The following FAM53C variants were observed in gnomAD, a reference collection of about 807,000 sequenced individuals.
The protein encoded by FAM53C is family with sequence similarity 53 member C.
FAM53C carries 10 observed loss-of-function variants against 34.7 expected under a neutral mutation model. The observed-to-expected ratio is 0.29, with a 90% confidence interval of 0.18 to 0.49. The LOEUF is 0.49. Ranked by LOEUF, FAM53C falls within the 20% of genes least tolerant of loss-of-function variation. The pLI is 0.99. For synonymous variants in FAM53C, 203 were observed against 203.6 expected (o/e 1.00, Z 0.03); for missense variants, 442 against 515.3 (o/e 0.86, Z 1.38).
chr5:138,345,102 C>T lies in FAM53C; in HGVS notation c.414C>T (p.Pro138=), dbSNP rs756935191. The change falls in exon 4 of 5, where the codon CCC becomes CCT. Residue 138 remains proline, a synonymous_variant. Coordinates refer to ENST00000239906, the MANE Select transcript of FAM53C (RefSeq NM_016605.3). This position sits in a 1 kb window ranked among gnomAD's most constrained non-coding sequence, Gnocchi z 6.3. ...GGCAGCCGGTGTGGCGGCCCGCCCC[C>T]TCCAAGCTGTGGACTCCCATAAAGC... is the stretch of plus-strand genomic sequence containing the variant. ...SRWQPVWRPA[P]SKLWTPIKHR... is the part of the protein sequence containing the mutation. 2.3e-5 allele frequency: 37 copies of T among 1,614,010 alleles called. 1 individual carries two copies. In the South Asian group the frequency reaches 4.0e-4, roughly 17 times the overall value.
Position 138,347,649 on chromosome 5 carries a change from C to G in FAM53C, c.*690C>G, listed in dbSNP as rs1761218887. The G allele has an allele frequency of 6.6e-6, 1 of 152,276 alleles. No individual in the cohort carries two copies. Among genetic ancestry groups the G allele is most frequent in the South Asian group, 2.1e-4 (1 of 4,814 alleles). The allele number at this position is 152,276 out of a possible 1,614,324, so 9.4% of individuals were successfully genotyped here. On this transcript the variant is annotated 3_prime_UTR_variant, in exon 5 of 5. Transcript: ENST00000239906. Reference sequence around the variant, plus strand: ...GGTGTTTTAAGTGCTGTGACTTCAGCTAATGATCTTTTCTTCAGCCCCACC... The same window carrying G: ...GGTGTTTTAAGTGCTGTGACTTCAGGTAATGATCTTTTCTTCAGCCCCACC...
In FAM53C at chr5:138,348,021, C is replaced by T. The variant is rs1761229594; in HGVS notation, c.*1062C>T. ...GCAGACATGGGTGAGCTCACCCCAG[C>T]ACTGCTGTTGGGAAGGTGACTGCAG... On this transcript the variant is annotated 3_prime_UTR_variant, in exon 5 of 5. Coordinates refer to ENST00000239906, the MANE Select transcript of FAM53C (RefSeq NM_016605.3). The T allele has an allele frequency of 6.5e-6, 1 of 152,696 alleles. No homozygotes were observed. Among genetic ancestry groups the T allele is most frequent in the African/African-American group, 2.4e-5 (1 of 41,446 alleles). 9.5% of individuals were successfully genotyped at this position (152,696 alleles called of 1,614,324 possible). A position where few individuals can be genotyped will look rare whatever the true frequency, so the allele number is the denominator to read the frequency against.
At chr5:138,346,566 G>A in intron 4 of FAM53C, 136 bp from the exon 5 acceptor site, 1 of 1,097,324 alleles carries the variant, frequency 9.1e-7, no homozygotes, top group Non-Finnish European at 1.3e-6. Context: ...AGAGCTTGCA[G>A]TGAGCCAAGA....
At chr5:138,338,230 G>A, upstream of FAM53C, 3 of 1,232,614 alleles carry the variant, frequency 2.4e-6, no homozygotes, top group Non-Finnish European at 3.2e-6. Context: ...TCGCGCCAGC[G>A]CCTTTTAAGG....
chr5:138,338,241 G>C (rs1042417659), upstream of FAM53C: 1 of 1,174,074 alleles, frequency 8.5e-7, no homozygotes, highest in Non-Finnish European at 1.1e-6. Flanking sequence ...CCTTTTAAGG[G>C]CACCGTGGGG....
Position 138,345,964 on chromosome 5 carries a change from A to C in FAM53C, c.921+355A>C, listed in dbSNP as rs951441562. On this transcript the variant is annotated intron_variant, in intron 4 of 4. Transcript: ENST00000239906. This position sits in a 1 kb window ranked among gnomAD's most constrained non-coding sequence, Gnocchi z 6.3. ...CCATCAGTACCTACTCCTTGTGCCC[A>C]AAGCTGTTTTTGCCACTTGCCTGTC... Among the ~76,000 whole-genome samples, 2 of 152,336 alleles carry C rather than the reference A, an allele frequency of 1.3e-5. No individual in the cohort carries two copies. Among genetic ancestry groups the C allele is most frequent in the African/African-American group, 2.4e-5 (1 of 41,598 alleles).
At position 138,345,442 on chromosome 5, in the gene FAM53C, C is replaced by G; in HGVS notation, c.754C>G (p.Pro252Ala). The part of the protein sequence containing the change: ...SRFLPSARSS[P>A]ASSPELPWRP... ...CTTCTTGCCCTCTGCCCGGAGCTCT[C>G]CCGCATCCTCCCCAGAGCTGCCCTG... Residue 252 changes from proline (P) to alanine (A), a missense_variant, in exon 4 of 5, where the codon CCC becomes GCC. Transcript: ENST00000239906. The surrounding 1 kb of genome is among the most constrained non-coding windows in gnomAD (Gnocchi z 6.3). The G allele has an allele frequency of 6.2e-7, 1 of 1,614,020 alleles. No individual in the cohort carries two copies. The highest frequency in any genetic ancestry group is 8.5e-7 in the Non-Finnish European group (1 of 1,180,050).
In FAM53C at chr5:138,346,720, C is replaced by A. The variant is rs1321725592; in HGVS notation, c.940C>A (p.Leu314Ile). The A allele has an allele frequency of 1.9e-6, 3 of 1,614,074 alleles. No homozygotes were observed. The African/African-American group carries it at 4.0e-5, about 22-fold the overall frequency. Residue 314 changes from leucine to isoleucine, a missense_variant, in exon 5 of 5, where the codon CTT becomes ATT. Leu to Ile is a conservative substitution (Grantham distance 5, BLOSUM62 2). Transcript: ENST00000239906. ...TTGACAGAAACCATACTCAGGAGGT[C>A]TTTGTCTCCAAGAAACAGCCCGGGA... ...KMNQKPYSGG[L>I]CLQETAREGS...
chr5:138,345,139 G>A lies in FAM53C; in HGVS notation c.451G>A (p.Gly151Ser). Residue 151 changes from glycine to serine, a missense_variant, in exon 4 of 5, where the codon GGT becomes AGT. Gly to Ser is a moderately conservative substitution (Grantham distance 56, BLOSUM62 0). Transcript: ENST00000239906. The surrounding 1 kb of genome is among the most constrained non-coding windows in gnomAD (Gnocchi z 6.3). ...GACTCCCATAAAGCACCGGGGCAGT[G>A]GTGGAGGGGGTGGGCCGCAGGTGCC... ...LWTPIKHRGS[G>S]GGGGPQVPHQ... 1.2e-6 allele frequency: 2 copies of A among 1,614,176 alleles called. No homozygotes were observed. The highest frequency in any genetic ancestry group is 1.7e-6 in the Non-Finnish European group (2 of 1,180,022).
At chr5:138,338,094 T>C, upstream of FAM53C, 1 of 1,289,650 alleles carries the variant, frequency 7.8e-7, no homozygotes, top group Non-Finnish European at 1.0e-6. Context: ...CCAGGCTCGT[T>C]CCCAACAGCG....
At position 138,347,284 on chromosome 5, in the gene FAM53C, T is replaced by G; in HGVS notation, c.*325T>G. On this transcript the variant is annotated 3_prime_UTR_variant, in exon 5 of 5. Coordinates refer to ENST00000239906, the MANE Select transcript of FAM53C (RefSeq NM_016605.3). ...CCGACCCCAGCTCGGGGAATTTCAC[T>G]AGCCCCTTTGCTTCAAAGGGCACTT... is the stretch of plus-strand genomic sequence containing the variant. 2 of 363,232 alleles carry G rather than the reference T, an allele frequency of 5.5e-6. No individual in the cohort carries two copies. The highest frequency in any genetic ancestry group is 1.0e-5 in the Non-Finnish European group (2 of 195,590). The allele number at this position is 363,232 out of a possible 1,614,324, so 22.5% of individuals were successfully genotyped here.
At position 138,341,372 on chromosome 5, in the gene FAM53C, A is replaced by G. The variant is rs764819075; in HGVS notation, c.37A>G (p.Thr13Ala). The part of the protein sequence containing the change: ...TLITEQLQKQ[T>A]LDELKCTRFS... Reference sequence around the variant, plus strand: ...GATCACTGAGCAGCTACAGAAGCAGACTCTGGATGAGCTGAAATGCACACG... The same window carrying G: ...GATCACTGAGCAGCTACAGAAGCAGGCTCTGGATGAGCTGAAATGCACACG... The change falls in exon 2 of 5, where the codon ACT becomes GCT. Residue 13 changes from threonine to alanine, a missense_variant. Coordinates refer to ENST00000239906, the MANE Select transcript of FAM53C (RefSeq NM_016605.3). The G allele has an allele frequency of 6.2e-7, 1 of 1,614,088 alleles. No homozygotes were observed. Among genetic ancestry groups the G allele is most frequent in the South Asian group, 1.1e-5 (1 of 91,082 alleles).
upstream of FAM53C, chr5:138,337,951 T>C (rs1340205213): frequency 7.8e-7 from 1 of 1,289,046 alleles, no homozygotes; most frequent in Admixed American, 2.3e-5. Context: ...GATGCCTTTG[T>C]TTACCTTCTT....
At chr5:138,341,904 C>T (rs766994861) in intron 3 of FAM53C, 38 bp downstream of exon 3, 7 of 1,593,486 alleles carry the variant, frequency 4.4e-6, no homozygotes, top group African/African-American at 1.3e-5. Flanking sequence ...TGTGTGTACC[C>T]ATTCCTCTCT....
At chr5:138,342,207 T>C (rs1761053516) in intron 3 of FAM53C, 1 of 276,674 alleles carries the variant, frequency 3.6e-6, no homozygotes, top group Non-Finnish European at 6.8e-6. Flanking sequence ...ACCACCTCCC[T>C]AAAAGTATTA....
At chr5:138,339,597 T>C (rs1760965869) in intron 1 of FAM53C, among the ~76,000 whole-genome samples, 1 of 152,116 alleles carries the variant, frequency 6.6e-6, no homozygotes, top group Admixed American at 6.5e-5. Flanking sequence ...GTCTCTAGGG[T>C]AAAATCCTGC....
At chr5:138,344,291 T>G (rs1377587521) in intron 3 of FAM53C, among the ~76,000 whole-genome samples, 1 of 152,208 alleles carries the variant, frequency 6.6e-6, no homozygotes, top group East Asian at 1.9e-4. Context: ...AAAAGTGATC[T>G]CTTACCTGCC....
At position 138,349,442 on chromosome 5, in the gene FAM53C, GGTGA is replaced by G. The variant is rs1761263472; in HGVS notation, c.*2486_*2489del. The G allele has an allele frequency of 6.5e-6, 1 of 152,714 alleles. No individual in the cohort carries two copies. 9.5% of individuals were successfully genotyped at this position (152,714 alleles called of 1,614,324 possible). ...GTGTGTGTAGTGTGGTTGGCCAGTA[GGTGA>G]GTATCCCTGTGTGTGTGAGTGAAGC... is the stretch of plus-strand genomic sequence containing the variant. On this transcript the variant is annotated 3_prime_UTR_variant, in exon 5 of 5. Transcript: ENST00000239906.
At chr5:138,338,045 C>A (rs777468451), upstream of FAM53C, 1 of 1,289,600 alleles carries the variant, frequency 7.8e-7, no homozygotes, top group South Asian at 1.2e-5. Flanking sequence ...GGGGGTGACT[C>A]GTTAGTGAGG....
Sources: gnomAD v4.1 joint callset for allele counts (sites outside exome capture counted in the v4.1 genomes callset) on GRCh38, gnomAD v4.1.1 for gene constraint, Gnocchi (gnomAD v3.1) non-coding constraint, MANE v1.5 for transcripts, NCBI Gene and HGNC (gene_info 2026-07-23, HGNC 2026-07-21) for gene names.